Variants in PARVA observed in about 807,000 individuals in gnomAD.
PARVA encodes parvin alpha.
PARVA carries 25 observed loss-of-function variants against 52.6 expected under a neutral mutation model. That is an observed-to-expected ratio of 0.48 (90% CI 0.35 to 0.66). PARVA has a LOEUF of 0.66. Ranked by LOEUF, PARVA falls within the 30% of genes least tolerant of loss-of-function variation. The pLI is 0.01. For synonymous variants in PARVA, 185 were observed against 179.1 expected (o/e 1.03, Z -0.26); for missense variants, 373 against 450.9 (o/e 0.83, Z 1.56).
At chr11:12,491,561 G>T (rs1018589089) in intron 4 of PARVA, among the ~76,000 whole-genome samples, 1 of 152,102 alleles carries the variant, frequency 6.6e-6, no homozygotes, top group Admixed American at 6.5e-5. Flanking sequence ...TAAAGCTGGG[G>T]TAACTATTTT....
chr11:12,492,940 G>A (rs1941250714), intron 4 of PARVA, among the ~76,000 whole-genome samples: 1 of 152,066 alleles, frequency 6.6e-6, no homozygotes, highest in Non-Finnish European at 1.5e-5. Context: ...AATGCAATAT[G>A]CAGTTTTGAA....
At chr11:12,473,298 G>A (rs544552055) in intron 1 of PARVA, among the ~76,000 whole-genome samples, 7 of 152,236 alleles carry the variant, frequency 4.6e-5, no homozygotes, top group Admixed American at 1.3e-4. Flanking sequence ...ACGGTTGAAC[G>A]GAGGATGGAA....
chr11:12,377,869 G>T (rs1939423328), intron 1 of PARVA, 86 bp downstream of exon 1: 17 of 994,568 alleles, frequency 1.7e-5, no homozygotes, highest in Non-Finnish European at 2.0e-5. Context: ...GACCGGGCGG[G>T]AGCGCGCCGC....
chr11:12,377,667 A>G lies in PARVA; in HGVS notation c.20A>G (p.Lys7Arg). MATSPQ[K>R]SPSVPKSPTP... ...CGCGCCATGGCCACCTCCCCGCAGA[A>G]GTCGCCTTCTGTCCCCAAGTCTCCC... The change falls in exon 1 of 13, where the codon AAG (lysine) becomes AGG (arginine). Residue 7 changes from lysine to arginine, a missense_variant. Coordinates refer to ENST00000334956, the MANE Select transcript of PARVA (RefSeq NM_018222.5). 14 of 1,569,880 alleles carry G rather than the reference A, an allele frequency of 8.9e-6. No individual in the cohort carries two copies. The highest frequency in any genetic ancestry group is 1.2e-5 in the Non-Finnish European group (14 of 1,162,890).
At chr11:12,388,717 G>A (rs976058292) in intron 1 of PARVA, among the ~76,000 whole-genome samples, 1 of 151,584 alleles carries the variant, frequency 6.6e-6, no homozygotes, top group Non-Finnish European at 1.5e-5. Flanking sequence ...AGTATTGTGA[G>A]TATACTATGT....
At chr11:12,431,301 AC>A (rs1940312010) in intron 1 of PARVA, among the ~76,000 whole-genome samples, 1 of 152,210 alleles carries the variant, frequency 6.6e-6, no homozygotes, top group African/African-American at 2.4e-5. Flanking sequence ...ACGCATTGTT[AC>A]ATATCTGTCA....
chr11:12,441,713 CAGAG>C (rs1217840557), intron 1 of PARVA, among the ~76,000 whole-genome samples: 7 of 152,150 alleles, frequency 4.6e-5, no homozygotes, highest in African/African-American at 1.7e-4. Flanking sequence ...TTTTATGACT[CAGAG>C]AGAGGTCACC....
At chr11:12,434,489 G>GT (rs1248549917) in intron 1 of PARVA, among the ~76,000 whole-genome samples, 2 of 152,170 alleles carry the variant, frequency 1.3e-5, no homozygotes, top group Admixed American at 1.3e-4. Context: ...CAGCCTTGGA[G>GT]TTCCTCCTCA....
chr11:12,504,801 G>A (rs1941414942), intron 6 of PARVA, among the ~76,000 whole-genome samples: 1 of 151,836 alleles, frequency 6.6e-6, no homozygotes. Context: ...GTGAGTTTGT[G>A]TACAGGAGTG....
At chr11:12,401,755 A>G (rs112622443) in intron 1 of PARVA, among the ~76,000 whole-genome samples, 13 of 152,376 alleles carry the variant, frequency 8.5e-5, no homozygotes, top group African/African-American at 2.9e-4. Flanking sequence ...ATCGCAGGGC[A>G]TGAAAAAATG....
At chr11:12,407,313 G>A (rs993544595) in intron 1 of PARVA, among the ~76,000 whole-genome samples, 22 of 152,048 alleles carry the variant, frequency 1.4e-4, no homozygotes, top group East Asian at 3.9e-4. Context: ...TCTACCTTGC[G>A]TGCCTTCAGG....
intron 1 of PARVA, 109 bp downstream of exon 1, chr11:12,377,892 C>G (rs1028266824): frequency 3.4e-6 from 2 of 590,510 alleles, no homozygotes; most frequent in African/African-American, 4.0e-5. Context: ...GTGCCCGGCG[C>G]GGTGGGGCGC....
chr11:12,485,792 TG>T (rs929537625), intron 4 of PARVA, among the ~76,000 whole-genome samples: 1 of 151,984 alleles, frequency 6.6e-6, no homozygotes, highest in Non-Finnish European at 1.5e-5. Context: ...AGTGTGGAAG[TG>T]GGGACAGGGT....
At chr11:12,473,618 G>A in intron 1 of PARVA, 127 bp from the exon 2 acceptor site, 1 of 699,242 alleles carries the variant, frequency 1.4e-6, no homozygotes, top group Non-Finnish European at 2.5e-6. Context: ...CGTAGGCTGA[G>A]TAACAGCTGT....
chr11:12,509,427 A>G (rs1048561294), intron 7 of PARVA, among the ~76,000 whole-genome samples: 2 of 152,130 alleles, frequency 1.3e-5, no homozygotes, highest in Non-Finnish European at 1.5e-5. Context: ...CCAGAGAGGT[A>G]GGAAAGATTT....
At chr11:12,381,106 T>C (rs1478985772) in intron 1 of PARVA, among the ~76,000 whole-genome samples, 1 of 152,216 alleles carries the variant, frequency 6.6e-6, no homozygotes, top group African/African-American at 2.4e-5. Flanking sequence ...CTGCGGCATA[T>C]GGTATTTCTG....
chr11:12,379,760 A>C (rs190866463), intron 1 of PARVA, among the ~76,000 whole-genome samples: 13 of 152,354 alleles, frequency 8.5e-5, no homozygotes, highest in African/African-American at 2.9e-4. Flanking sequence ...CAGCAAAAAC[A>C]TACAAAAGTT....
intron 4 of PARVA, among the ~76,000 whole-genome samples, chr11:12,494,232 G>A (rs1235373378): frequency 6.6e-6 from 1 of 152,162 alleles, no homozygotes; most frequent in Admixed American, 6.5e-5. Context: ...AACATTTTCG[G>A]CCAGAGTTTT....
chr11:12,447,317 G>T (rs1021776171), intron 1 of PARVA, among the ~76,000 whole-genome samples: 2 of 152,188 alleles, frequency 1.3e-5, no homozygotes, highest in African/African-American at 4.8e-5. Flanking sequence ...ATGCAAATGT[G>T]ATGTTTTCAA....
Sources: allele counts gnomAD v4.1 joint callset (sites outside exome capture counted in the v4.1 genomes callset), GRCh38; gene constraint gnomAD v4.1.1; transcripts MANE v1.5; gene names NCBI Gene and HGNC (gene_info 2026-07-23, HGNC 2026-07-21).